The following COLEC10 variants were observed in gnomAD, a reference collection of about 807,000 sequenced individuals.
The protein encoded by COLEC10 is collectin subfamily member 10, also known as collectin-10.
In COLEC10, 22 loss-of-function variants were observed where a neutral mutation model predicts 28.4. That is an observed-to-expected ratio of 0.78 (90% CI 0.55 to 1.11). COLEC10 has a LOEUF of 1.11. Ranked by LOEUF, COLEC10 falls within the 50% of genes least tolerant of loss-of-function variation. The pLI is 0.00. For synonymous variants in COLEC10, 125 were observed against 116.1 expected (o/e 1.08, Z -0.49); for missense variants, 361 against 344.1 (o/e 1.05, Z -0.39).
At chr8:119,046,462 T>C (rs1587017312) in intron 2 of COLEC10, among the ~76,000 whole-genome samples, 1 of 152,224 alleles carries the variant, frequency 6.6e-6, no homozygotes, top group Non-Finnish European at 1.5e-5. Context: ...CTATGATTAA[T>C]GGTAGGTATC....
the COLEC10 span, among the ~76,000 whole-genome samples, chr8:118,966,685 T>C: frequency 2.0e-5 from 3 of 152,124 alleles, no homozygotes; most frequent in African/African-American, 7.2e-5. Context: ...CATGTTTTTT[T>C]TTTTTAAATG....
upstream of COLEC10, among the ~76,000 whole-genome samples, chr8:118,992,502 G>A (rs924338625): frequency 1.3e-5 from 2 of 152,138 alleles, no homozygotes. Context: ...GGAAGCTTGC[G>A]ATGGGCAGAC....
intron 1 of COLEC10, among the ~76,000 whole-genome samples, chr8:119,088,759 G>A (rs1815532119): frequency 6.6e-6 from 1 of 152,172 alleles, no homozygotes; most frequent in Admixed American, 6.5e-5. Context: ...GTGAGGCCTG[G>A]AGAGCAGATA....
At chr8:118,963,941 G>A in the COLEC10 span, among the ~76,000 whole-genome samples, 1 of 152,108 alleles carries the variant, frequency 6.6e-6, no homozygotes, top group African/African-American at 2.4e-5. Context: ...CTCCTTGGGG[G>A]GATGCATGTT....
chr8:118,997,161 G>A (rs896845554), intron 1 of COLEC10, among the ~76,000 whole-genome samples: 1 of 152,086 alleles, frequency 6.6e-6, no homozygotes, highest in Non-Finnish European at 1.5e-5. Context: ...CTTTTGTTTT[G>A]TTTTGCTATT....
intron 2 of COLEC10, among the ~76,000 whole-genome samples, chr8:119,016,792 C>T (rs1018848210): frequency 1.2e-4 from 18 of 152,190 alleles, no homozygotes; most frequent in African/African-American, 2.7e-4. Flanking sequence ...TCTCAGCTCA[C>T]TGCAACTGCC....
At chr8:119,089,462 T>A (rs775759691) in intron 1 of COLEC10, among the ~76,000 whole-genome samples, 4 of 152,198 alleles carry the variant, frequency 2.6e-5, no homozygotes, top group Admixed American at 6.5e-5. Flanking sequence ...TCTTCAAACA[T>A]AGAGTTGGAT....
chr8:119,070,611 CTCT>C (rs1465341503), intron 1 of COLEC10, among the ~76,000 whole-genome samples: 3 of 144,700 alleles, frequency 2.1e-5, no homozygotes, highest in African/African-American at 5.1e-5. Context: ...CCCTTTCTCT[CTCT>C]TTTTTTCTCC....
chr8:119,088,302 C>G (rs1487299967), intron 1 of COLEC10, among the ~76,000 whole-genome samples: 1 of 152,120 alleles, frequency 6.6e-6, no homozygotes, highest in Non-Finnish European at 1.5e-5. Context: ...TACCTCTGGT[C>G]TGACCACAGA....
chr8:118,974,519 C>T, the COLEC10 span, among the ~76,000 whole-genome samples: 1 of 151,964 alleles, frequency 6.6e-6, no homozygotes, highest in African/African-American at 2.4e-5. Flanking sequence ...TATCAAGCAA[C>T]TTTGTGTCCC....
At chr8:119,105,462 A>G (rs1347183111) in intron 5 of COLEC10, among the ~76,000 whole-genome samples, 2 of 152,174 alleles carry the variant, frequency 1.3e-5, no homozygotes, top group Non-Finnish European at 2.9e-5. Context: ...GGGCCTGCTC[A>G]TGTAGCCACC....
intron 2 of COLEC10, among the ~76,000 whole-genome samples, chr8:119,052,456 T>G (rs2130179030): frequency 6.6e-6 from 1 of 152,274 alleles, no homozygotes; most frequent in South Asian, 2.1e-4. Context: ...CAAGGCATTA[T>G]CTCATTGAAT....
Position 119,089,700 on chromosome 8 carries a change from G to T in COLEC10, c.169G>T (p.Asp57Tyr). ...AAAAGGAGATGATGGTGAAAAAGGA[G>T]ATCCAGGAGAAGAGGGAAAGCATGG... ...GPKGDDGEKG[D>Y]PGEEGKHGKV... Residue 57 changes from aspartate (D) to tyrosine (Y), a missense_variant, in exon 2 of 6, where the codon GAT becomes TAT. Around this residue, in one of 3 missense-constraint regions of COLEC10, gnomAD observed 335 missense variants for 308.5 expected, o/e 1.09. Transcript: ENST00000332843. The T allele has an allele frequency of 2.5e-6, 4 of 1,613,610 alleles. No individual in the cohort carries two copies. The highest frequency in any genetic ancestry group is 3.4e-6 in the Non-Finnish European group (4 of 1,179,654).
intron 1 of COLEC10, among the ~76,000 whole-genome samples, chr8:118,999,673 C>A (rs1329134643): frequency 6.6e-6 from 1 of 151,442 alleles, no homozygotes; most frequent in East Asian, 1.9e-4. Context: ...TAAACATGGT[C>A]TCAAAAGCCT....
chr8:118,954,213 G>T, the COLEC10 span, among the ~76,000 whole-genome samples: 10 of 152,244 alleles, frequency 6.6e-5, 1 homozygote, highest in Non-Finnish European at 1.5e-5. Flanking sequence ...CTGGAGACAG[G>T]TTGGGGCACC....
At chr8:119,023,201 G>T (rs1205764951) in intron 2 of COLEC10, among the ~76,000 whole-genome samples, 2 of 151,978 alleles carry the variant, frequency 1.3e-5, no homozygotes, top group Admixed American at 6.6e-5. Context: ...TCTGTAGCTT[G>T]TATCACTGTT....
the COLEC10 span, among the ~76,000 whole-genome samples, chr8:118,952,686 C>T: frequency 6.6e-6 from 1 of 152,186 alleles, no homozygotes; most frequent in Non-Finnish European, 1.5e-5. Context: ...TTCCCTTCAC[C>T]AACCCCACCA....
chr8:118,986,737 C>T, the COLEC10 span, among the ~76,000 whole-genome samples: 4 of 152,072 alleles, frequency 2.6e-5, no homozygotes, highest in Admixed American at 2.6e-4. Flanking sequence ...ATGCATTCTA[C>T]ATTGTGGATA....
chr8:118,969,307 T>C, the COLEC10 span, among the ~76,000 whole-genome samples: 1 of 152,074 alleles, frequency 6.6e-6, no homozygotes, highest in Non-Finnish European at 1.5e-5. Context: ...AGTAAATTCA[T>C]GTTTCTTTAA....
Sources: allele counts gnomAD v4.1 joint callset (sites outside exome capture counted in the v4.1 genomes callset), GRCh38; gene constraint gnomAD v4.1.1; regional missense constraint gnomAD v4.1.1; transcripts MANE v1.5; gene names NCBI Gene and HGNC (gene_info 2026-07-23, HGNC 2026-07-21).